Variants in PIEZO2 observed in about 807,000 individuals in gnomAD.
PIEZO2 encodes piezo-type mechanosensitive ion channel component 2.
Under a neutral mutation model 337.3 loss-of-function variants are expected in PIEZO2, and 172 were observed. The observed-to-expected ratio is 0.51, with a 90% CI of 0.45 to 0.58. The LOEUF is 0.58. PIEZO2 is among the 20% of genes least tolerant of loss of function. PIEZO2 has a pLI of 0.00. For synonymous variants in PIEZO2, 1,251 were observed against 1,228.5 expected (o/e 1.02, Z -0.38); for missense variants, 3,028 against 3,391.3 (o/e 0.89, Z 2.66).
intron 3 of PIEZO2, among the ~76,000 whole-genome samples, chr18:10,932,260 G>T (rs975554112): frequency 2.0e-5 from 3 of 152,108 alleles, no homozygotes; most frequent in African/African-American, 7.2e-5. Flanking sequence ...GCAGGGTATG[G>T]TGGCACATGC....
chr18:11,049,591 G>T (rs1195094138), intron 2 of PIEZO2, among the ~76,000 whole-genome samples: 2 of 152,208 alleles, frequency 1.3e-5, no homozygotes, highest in African/African-American at 4.8e-5. Flanking sequence ...AATTGTAGCT[G>T]TCATAATTCC....
rs1049859071 is a variant in PIEZO2, at chr18:11,111,010, A to G, written c.64+37515T>C. 6.6e-6 allele frequency among the ~76,000 whole-genome samples: 1 copy of G among 152,140 alleles called. No individual in the cohort carries two copies. Among genetic ancestry groups the G allele is most frequent in the African/African-American group, 2.4e-5 (1 of 41,430 alleles). ...GGGCTTCGGAACGGAGGAGAAGCTG[A>G]GATACTTCAGTGCAGCTGCAAATGG... On this transcript the variant is annotated intron_variant, in intron 1 of 55. Coordinates refer to ENST00000674853, the MANE Select transcript of PIEZO2 (RefSeq NM_001378183.1). This position sits in a 1 kb window ranked among gnomAD's most constrained non-coding sequence, Gnocchi z 6.2.
Position 10,767,571 on chromosome 18 carries a change from C to T in PIEZO2, c.2946+2577G>A, listed in dbSNP as rs1157197980. Among the ~76,000 whole-genome samples, 2 of 152,148 alleles carry T rather than the reference C, an allele frequency of 1.3e-5. No homozygotes were observed. Among genetic ancestry groups the T allele is most frequent in the African/African-American group, 4.8e-5 (2 of 41,438 alleles). On this transcript the variant is annotated intron_variant, in intron 21 of 55. Transcript: ENST00000674853. This position sits in a 1 kb window ranked among gnomAD's most constrained non-coding sequence, Gnocchi z 4.2. ...CGAGTGAGGAGCTAATGACTCGGAG[C>T]CCGATGCGTGAACCCTGGAGCTTGG...
At position 10,824,127 on chromosome 18, in the gene PIEZO2, C is replaced by T. The variant is rs901655389; in HGVS notation, c.918-16853G>A. Among the ~76,000 whole-genome samples, 4 of 152,114 alleles carry T rather than the reference C, an allele frequency of 2.6e-5. No homozygotes were observed. The highest frequency in any genetic ancestry group is 4.4e-5 in the Non-Finnish European group (3 of 68,022). ...TAACCCTATATATATATTTTATGCA[C>T]ATATATAATATAGTCCATTTTAACT... On this transcript the variant is annotated intron_variant, in intron 7 of 55. Coordinates refer to ENST00000674853, the MANE Select transcript of PIEZO2 (RefSeq NM_001378183.1). The surrounding 1 kb of genome is among the most constrained non-coding windows in gnomAD (Gnocchi z 4.4).
chr18:10,842,936 G>A (rs1683376), intron 7 of PIEZO2, among the ~76,000 whole-genome samples: 47,541 of 152,126 alleles, frequency 0.31, 8,170 homozygotes, highest in East Asian at 0.65. Context: ...AAATTTAAAA[G>A]TATCTTGCTT....
intron 36 of PIEZO2, among the ~76,000 whole-genome samples, chr18:10,731,177 T>TTATATATA (rs60508630): frequency 2.6e-3 from 91 of 35,122 alleles, no homozygotes; most frequent in Non-Finnish European, 3.6e-3. Flanking sequence ...ACTTAAAAGA[T>TTATATATA]TATATATATA....
chr18:11,030,023 C>G (rs2036674294), intron 2 of PIEZO2, among the ~76,000 whole-genome samples: 1 of 152,156 alleles, frequency 6.6e-6, no homozygotes, highest in Admixed American at 6.5e-5. Flanking sequence ...CTTTTACTCC[C>G]TTTAAGTAAT....
chr18:10,748,793 C>T lies in PIEZO2; in HGVS notation c.4265-163G>A, dbSNP rs147283276. Among the ~76,000 whole-genome samples, 10 of 152,292 alleles carry T rather than the reference C, an allele frequency of 6.6e-5. No individual in the cohort carries two copies. The East Asian group carries it at 1.7e-3, about 26-fold the overall frequency. ...GATTTATTTACAAGGAGATCACACACTTCCAATCCAATATCAACACTGATT... is the reference window on the plus strand; with the variant it reads ...GATTTATTTACAAGGAGATCACACATTTCCAATCCAATATCAACACTGATT... On this transcript the variant is annotated intron_variant, in intron 29 of 55. Transcript: ENST00000674853. This position sits in a 1 kb window ranked among gnomAD's most constrained non-coding sequence, Gnocchi z 5.1.
At chr18:10,966,399 C>T (rs533987982) in intron 3 of PIEZO2, among the ~76,000 whole-genome samples, 1 of 152,316 alleles carries the variant, frequency 6.6e-6, no homozygotes, top group South Asian at 2.1e-4. Context: ...TTCCTGCTGC[C>T]AGTCTTCTCC....
At chr18:10,898,302 TCCCAGCTACTCGGGAGG>T (rs1263638045) in intron 4 of PIEZO2, among the ~76,000 whole-genome samples, 1 of 152,138 alleles carries the variant, frequency 6.6e-6, no homozygotes, top group Non-Finnish European at 1.5e-5. Context: ...GTGCCTGTAG[TCCCAGCTACTCGGGAGG>T]CTGAGGGGGG....
chr18:11,044,159 C>CTATA (rs10556222), intron 2 of PIEZO2, among the ~76,000 whole-genome samples: 1 of 147,778 alleles, frequency 6.8e-6, no homozygotes, highest in Non-Finnish European at 1.5e-5. Flanking sequence ...TACTAATATA[C>CTATA]TATATATATA....
At chr18:10,905,253 G>A (rs1262028137) in intron 4 of PIEZO2, among the ~76,000 whole-genome samples, 2 of 152,134 alleles carry the variant, frequency 1.3e-5, no homozygotes. Context: ...CAGAGGTACT[G>A]TGTATCTCTC....
chr18:10,789,595 AT>A (rs1170987211), intron 14 of PIEZO2, among the ~76,000 whole-genome samples: 1 of 152,254 alleles, frequency 6.6e-6, no homozygotes, highest in African/African-American at 2.4e-5. Flanking sequence ...GGTAACACTA[AT>A]TTATATACAA....
At chr18:10,816,400 C>G (rs2040365186) in intron 7 of PIEZO2, among the ~76,000 whole-genome samples, 1 of 152,124 alleles carries the variant, frequency 6.6e-6, no homozygotes, top group East Asian at 1.9e-4. Flanking sequence ...GGGCCATGTT[C>G]AGATTATTAT....
Position 10,770,173 on chromosome 18 carries a change from T to A in PIEZO2, c.2921A>T (p.Tyr974Phe). Residue 974 changes from tyrosine to phenylalanine, a missense_variant, in exon 21 of 56, where the codon TAC becomes TTC. Transcript: ENST00000674853. ...ELHIIKIVSS[Y>F]IIWVSVKEVS... ...CTCTTTCACAGAAACCCAGATAATGTAAGAGGAAACGATTTTGATGATGTG... is the reference window on the plus strand; with the variant it reads ...CTCTTTCACAGAAACCCAGATAATGAAAGAGGAAACGATTTTGATGATGTG... The A allele has an allele frequency of 6.5e-7, 1 of 1,537,166 alleles. No homozygotes were observed. Among genetic ancestry groups the A allele is most frequent in the Non-Finnish European group, 8.7e-7 (1 of 1,146,898 alleles).
At chr18:10,743,812 A>T (rs1300783920) in intron 31 of PIEZO2, among the ~76,000 whole-genome samples, 1 of 152,182 alleles carries the variant, frequency 6.6e-6, no homozygotes, top group Non-Finnish European at 1.5e-5. Flanking sequence ...GTGAGCCCTA[A>T]TTTAAAAACA....
At chr18:11,041,133 C>T (rs984240824) in intron 2 of PIEZO2, among the ~76,000 whole-genome samples, 2 of 152,188 alleles carry the variant, frequency 1.3e-5, no homozygotes, top group African/African-American at 2.4e-5. Flanking sequence ...AAAACCCGAA[C>T]TATGAAATGG....
At position 10,736,591 on chromosome 18, in the gene PIEZO2, TC is replaced by T. The variant is rs1438651174; in HGVS notation, c.4815+12del. 2 of 1,536,720 alleles carry T rather than the reference TC, an allele frequency of 1.3e-6. No homozygotes were observed. The highest frequency in any genetic ancestry group is 1.7e-6 in the Non-Finnish European group (2 of 1,146,784). On this transcript the variant is annotated intron_variant, in intron 34 of 55. Coordinates refer to ENST00000674853, the MANE Select transcript of PIEZO2 (RefSeq NM_001378183.1). ...CTTCCAACTAGCAAAGAAATGATTT[TC>T]CCCATAATTACCTGGAATGCTGACC...
At chr18:10,884,781 G>A (rs770969235) in intron 4 of PIEZO2, among the ~76,000 whole-genome samples, 2 of 152,144 alleles carry the variant, frequency 1.3e-5, no homozygotes, top group Non-Finnish European at 2.9e-5. Context: ...TACACAGTGG[G>A]TGGCTCCAAC....
Sources: allele counts gnomAD v4.1 joint callset (sites outside exome capture counted in the v4.1 genomes callset), GRCh38; gene constraint gnomAD v4.1.1; non-coding constraint Gnocchi (gnomAD v3.1); transcripts MANE v1.5; gene names NCBI Gene and HGNC (gene_info 2026-07-23, HGNC 2026-07-21).